The following SLC44A5 variants were observed in gnomAD, a reference collection of about 807,000 sequenced individuals.
The protein encoded by SLC44A5 is choline transporter-like protein 5.
A neutral mutation model predicts 101.8 loss-of-function variants in SLC44A5; 57 were observed. That is an observed-to-expected ratio of 0.56 (90% CI 0.45 to 0.70). SLC44A5 has a LOEUF of 0.70. SLC44A5 is among the 30% of genes least tolerant of loss of function. The pLI is 0.00. For synonymous variants in SLC44A5, 281 were observed against 290.9 expected (o/e 0.97, Z 0.35); for missense variants, 737 against 853.1 (o/e 0.86, Z 1.70).
At chr1:75,531,814 T>C (rs1447843345) in intron 2 of SLC44A5, among the ~76,000 whole-genome samples, 1 of 152,226 alleles carries the variant, frequency 6.6e-6, no homozygotes, top group African/African-American at 2.4e-5. Flanking sequence ...GATAGACATT[T>C]ATTAAACCTT....
chr1:75,227,934 A>G (rs1156782009), intron 12 of SLC44A5, 77 bp from the exon 13 acceptor site: 2 of 1,194,564 alleles, frequency 1.7e-6, no homozygotes, highest in African/African-American at 1.6e-5. Context: ...CATCATACAT[A>G]TCTATATGAA....
intron 2 of SLC44A5, among the ~76,000 whole-genome samples, chr1:75,449,549 A>G (rs1323365968): frequency 1.3e-5 from 2 of 152,102 alleles, no homozygotes; most frequent in Non-Finnish European, 2.9e-5. Context: ...CTTCTCCTAC[A>G]GCTCTCCCAT....
chr1:75,386,291 A>T (rs1661339235), intron 3 of SLC44A5, among the ~76,000 whole-genome samples: 1 of 152,174 alleles, frequency 6.6e-6, no homozygotes, highest in Non-Finnish European at 1.5e-5. Context: ...AGATGACATG[A>T]TTGTATATCT....
At chr1:75,304,354 T>C (rs2100883359) in intron 4 of SLC44A5, among the ~76,000 whole-genome samples, 1 of 152,248 alleles carries the variant, frequency 6.6e-6, no homozygotes, top group African/African-American at 2.4e-5. Context: ...TTACCTGCTA[T>C]TTTTTCCATT....
the SLC44A5 span, among the ~76,000 whole-genome samples, chr1:75,625,623 A>G: frequency 1.4e-4 from 21 of 152,260 alleles, no homozygotes; most frequent in Middle Eastern, 3.4e-3. Context: ...TCCCATAATA[A>G]AAAATAATAG....
At chr1:75,698,119 A>T in the SLC44A5 span, among the ~76,000 whole-genome samples, 1 of 152,256 alleles carries the variant, frequency 6.6e-6, no homozygotes, top group African/African-American at 2.4e-5. Context: ...TAAACAAAGC[A>T]GCTTGGAAGC....
At chr1:75,371,302 T>C (rs1660206829) in intron 3 of SLC44A5, among the ~76,000 whole-genome samples, 2 of 152,390 alleles carry the variant, frequency 1.3e-5, no homozygotes, top group South Asian at 4.1e-4. Context: ...TCTGCACAAG[T>C]TACTTAACTT....
the SLC44A5 span, among the ~76,000 whole-genome samples, chr1:75,634,626 C>G: frequency 7.3e-5 from 11 of 151,360 alleles, no homozygotes; most frequent in African/African-American, 2.7e-4. Context: ...AAAGCTGAAA[C>G]TGGATCCCTT....
intron 2 of SLC44A5, among the ~76,000 whole-genome samples, chr1:75,427,621 C>T (rs1181392617): frequency 6.6e-6 from 1 of 152,154 alleles, no homozygotes; most frequent in African/African-American, 2.4e-5. Context: ...TGGTTAAGAG[C>T]ATGGACTCTG....
At chr1:75,664,124 A>T in the SLC44A5 span, among the ~76,000 whole-genome samples, 2 of 151,744 alleles carry the variant, frequency 1.3e-5, no homozygotes, top group African/African-American at 4.8e-5. Flanking sequence ...ATGATAAAAA[A>T]CCTCAACAAA....
the SLC44A5 span, among the ~76,000 whole-genome samples, chr1:75,657,855 A>T: frequency 6.6e-6 from 1 of 152,048 alleles, no homozygotes; most frequent in South Asian, 2.1e-4. Context: ...CTATTATACC[A>T]CTCTGTTATT....
At chr1:75,430,130 T>C (rs533321700) in intron 2 of SLC44A5, among the ~76,000 whole-genome samples, 2 of 152,318 alleles carry the variant, frequency 1.3e-5, no homozygotes, top group South Asian at 4.1e-4. Flanking sequence ...TGTTGGGAGA[T>C]GGGACCTTCT....
chr1:75,223,811 A>G (rs544900631), intron 13 of SLC44A5, among the ~76,000 whole-genome samples: 1 of 152,198 alleles, frequency 6.6e-6, no homozygotes, highest in Non-Finnish European at 1.5e-5. Context: ...CTTTAGTTAT[A>G]CTATGTATTT....
At chr1:75,411,040 TA>T (rs1663243673) in intron 2 of SLC44A5, among the ~76,000 whole-genome samples, 1 of 152,090 alleles carries the variant, frequency 6.6e-6, no homozygotes, top group Admixed American at 6.6e-5. Context: ...GATCAAAGTA[TA>T]GTGTGGAAGT....
At chr1:75,398,401 G>A in intron 2 of SLC44A5, 10 of 985,388 alleles carry the variant, frequency 1.0e-5, no homozygotes, top group Non-Finnish European at 1.2e-5. Context: ...ATAGCAGGAA[G>A]CATGTCAGTA....
chr1:75,306,107 A>C (rs1367485236), intron 4 of SLC44A5, among the ~76,000 whole-genome samples: 1 of 152,252 alleles, frequency 6.6e-6, no homozygotes, highest in East Asian at 1.9e-4. Flanking sequence ...ACTTGCATTC[A>C]TAAGTAAAGA....
rs767133656 is a variant in SLC44A5, at chr1:75,237,048, C to T, written c.679G>A (p.Ala227Thr). The T allele has an allele frequency of 1.1e-5, 17 of 1,601,734 alleles. 1 individual carries two copies. In the South Asian group the frequency reaches 1.9e-4, roughly 18 times the overall value. The change falls in exon 11 of 24, where the codon GCA becomes ACA. Residue 227 changes from alanine (A) to threonine (T), a missense_variant. Ala to Thr is a moderately conservative substitution (Grantham distance 58, BLOSUM62 0). This residue lies in a region of SLC44A5 where 665 missense variants were observed against 764.4 expected (regional missense o/e 0.87). Coordinates refer to ENST00000370859, the MANE Select transcript of SLC44A5 (RefSeq NM_001130058.2). The part of the protein sequence containing the change: ...AANGINKLLD[A>T]KSLGLKVFED... ...AACACTTTCAATCCAAGTGACTTTG[C>T]ATCAAGAAGTTTATTGATACCACTG...
chr1:75,687,087 A>G, the SLC44A5 span, among the ~76,000 whole-genome samples: 1,235 of 152,286 alleles, frequency 8.1e-3, 42 homozygotes, highest in East Asian at 0.13. Flanking sequence ...TACATAAGCT[A>G]GGGTCTGAAA....
the SLC44A5 span, chr1:75,641,674 A>G: frequency 1.2e-4 from 187 of 1,502,344 alleles, 1 homozygote; most frequent in African/African-American, 2.4e-3. Context: ...GAAGAATACT[A>G]TATACCTCTC....
Sources: allele counts gnomAD v4.1 joint callset (sites outside exome capture counted in the v4.1 genomes callset), GRCh38; gene constraint gnomAD v4.1.1; regional missense constraint gnomAD v4.1.1; transcripts MANE v1.5; gene names NCBI Gene and HGNC (gene_info 2026-07-23, HGNC 2026-07-21).